The following EP300 variants were observed in gnomAD, a reference collection of about 807,000 sequenced individuals.
EP300 encodes EP300 lysine acetyltransferase.
Under a neutral mutation model 264.0 loss-of-function variants are expected in EP300, and 31 were observed. That is an observed-to-expected ratio of 0.12 (90% CI 0.09 to 0.16). EP300 has a LOEUF of 0.16. EP300 is among the 10% of genes least tolerant of loss of function. The pLI is 1.00. For missense variants in EP300, 2,766 were observed against 3,052.9 expected (o/e 0.91, Z 2.21); for synonymous variants, 1,340 against 1,045.4 (o/e 1.28, Z -5.44).
Position 41,161,607 on chromosome 22 carries a change from A to T in EP300, c.3671+885A>T, listed in dbSNP as rs542859293. On this transcript the variant is annotated intron_variant, in intron 20 of 30. Transcript: ENST00000263253. ...ATTCCAGCCTGGGCGACAGAGCGAG[A>T]GTCTGTCTCAAAATAAATAAAAGAA... Among the ~76,000 whole-genome samples, 12 of 152,290 alleles carry T rather than the reference A, an allele frequency of 7.9e-5. No homozygotes were observed. The South Asian group carries it at 1.5e-3, about 18-fold the overall frequency.
At position 41,092,950 on chromosome 22, in the gene EP300, A is replaced by G; in HGVS notation, c.-55A>G. 3 of 1,586,048 alleles carry G rather than the reference A, an allele frequency of 1.9e-6. No homozygotes were observed. Among genetic ancestry groups the G allele is most frequent in the South Asian group, 1.1e-5 (1 of 90,528 alleles). On this transcript the variant is annotated 5_prime_UTR_variant, in exon 1 of 31. Transcript: ENST00000263253. The stretch of plus-strand genomic sequence containing the variant: ...CGGCGCGGGGACCCCGGGCCGAAGA[A>G]GAGATTTCCTGAGGATTCTGGTTTT...
intron 1 of EP300, among the ~76,000 whole-genome samples, chr22:41,100,224 A>C (rs567641103): frequency 6.6e-6 from 1 of 152,286 alleles, no homozygotes; most frequent in African/African-American, 2.4e-5. Context: ...GTGACATAGC[A>C]AGACTCTGTT....
chr22:41,142,290 G>T (rs570127144), intron 10 of EP300, among the ~76,000 whole-genome samples: 1 of 152,306 alleles, frequency 6.6e-6, no homozygotes, highest in East Asian at 1.9e-4. Context: ...TAGATTATAG[G>T]TGGGCTGAGA....
intron 1 of EP300, among the ~76,000 whole-genome samples, chr22:41,096,575 T>A (rs1288946252): frequency 6.6e-6 from 1 of 150,670 alleles, no homozygotes; most frequent in South Asian, 2.1e-4. Context: ...ATGTACACAG[T>A]GGAGAAGTGG....
At chr22:41,128,335 C>T (rs1376591471) in intron 4 of EP300, among the ~76,000 whole-genome samples, 3 of 151,806 alleles carry the variant, frequency 2.0e-5, no homozygotes, top group Non-Finnish European at 4.4e-5. Flanking sequence ...GGGTGTGTTC[C>T]TGTAGTCCCA....
In EP300 at chr22:41,147,847, A is replaced by G. The variant is rs1244240290; in HGVS notation, c.2142A>G (p.Gln714=). The change falls in exon 12 of 31, where the codon CAA becomes CAG. Residue 714 remains glutamine, a synonymous_variant. Transcript: ENST00000263253. ...TGCTCATATTCACAGGTTTGAATCA[A>G]TTTGGCCAGATGAGCATGGCCCAGC... ...PRITPQSGLN[Q]FGQMSMAQPP... 2 of 1,613,842 alleles carry G rather than the reference A, an allele frequency of 1.2e-6. No homozygotes were observed.
At position 41,147,157 on chromosome 22, in the gene EP300, T is replaced by C. The variant is rs561723029; in HGVS notation, c.2131+341T>C. Among the ~76,000 whole-genome samples the C allele has an allele frequency of 1.1e-4, 17 of 152,144 alleles. No homozygotes were observed. In the South Asian group the frequency reaches 3.5e-3, roughly 32 times the overall value. The stretch of plus-strand genomic sequence containing the variant: ...TGTCTCTACTAAAAATACAAAAAAA[T>C]TAGCCGGTTGTAGTGGCACGGGCCT... On this transcript the variant is annotated intron_variant, in intron 11 of 30. Transcript: ENST00000263253.
At chr22:41,163,742 A>G (rs931581044) in intron 21 of EP300, among the ~76,000 whole-genome samples, 5 of 151,976 alleles carry the variant, frequency 3.3e-5, no homozygotes, top group Admixed American at 1.3e-4. Context: ...GAGAGACTCC[A>G]TCTCAGAAAA....
rs1251522603 is a variant in EP300 at position 41,151,914 on chromosome 22, A to C, written c.2899A>C (p.Ile967Leu). ...TSSTEVNSQA[I>L]AEKQPSQEVK... ...TAGCACAGAAGTGAATTCTCAGGCCATTGCTGAGAAGCAGCCTTCCCAGGA... is the reference window on the plus strand; with the variant it reads ...TAGCACAGAAGTGAATTCTCAGGCCCTTGCTGAGAAGCAGCCTTCCCAGGA... Residue 967 changes from isoleucine (I) to leucine (L), a missense_variant, in exon 15 of 31, where the codon ATT becomes CTT. Ile to Leu is a conservative substitution (Grantham distance 5). Transcript: ENST00000263253. The C allele has an allele frequency of 1.2e-6, 2 of 1,613,918 alleles. No homozygotes were observed. Among genetic ancestry groups the C allele is most frequent in the Non-Finnish European group, 1.7e-6 (2 of 1,179,940 alleles).
chr22:41,094,219 C>T (rs2058689842), intron 1 of EP300, among the ~76,000 whole-genome samples: 1 of 152,102 alleles, frequency 6.6e-6, no homozygotes. Flanking sequence ...CAAGATGTTC[C>T]CCTTTACTAC....
intron 2 of EP300, 117 bp downstream of exon 2, chr22:41,117,938 C>A (rs2058830889): frequency 6.6e-7 from 1 of 1,516,590 alleles, no homozygotes; most frequent in Non-Finnish European, 9.0e-7. Flanking sequence ...CAGGAATTTA[C>A]TGTGCTGTCA....
chr22:41,104,489 CATGTTGGCCA>C (rs1366819196), intron 1 of EP300, among the ~76,000 whole-genome samples: 1 of 151,916 alleles, frequency 6.6e-6, no homozygotes, highest in Admixed American at 6.6e-5. Flanking sequence ...AGGGTTTTGC[CATGTTGGCCA>C]GGCTGACCTC....
intron 27 of EP300, among the ~76,000 whole-genome samples, chr22:41,171,259 C>G (rs2059169160): frequency 6.6e-6 from 1 of 151,890 alleles, no homozygotes; most frequent in Non-Finnish European, 1.5e-5. Flanking sequence ...AGGCATGAGC[C>G]ACTGTGCCCG....
chr22:41,118,520 G>T (rs2058833743), intron 2 of EP300, among the ~76,000 whole-genome samples: 1 of 152,192 alleles, frequency 6.6e-6, no homozygotes, highest in African/African-American at 2.4e-5. Flanking sequence ...GGTTGCCAGT[G>T]CCTGGCATGT....
rs1232286091 is a variant in EP300 at position 41,141,045 on chromosome 22, A to C, written c.1879-3A>C. On this transcript the variant is annotated splice_polypyrimidine_tract_variant and splice_region_variant and intron_variant, in intron 9 of 30. Transcript: ENST00000263253. ...CCCTTATTTTACTTCAACAATTCAA[A>C]AGGCGGAATACTACCACCTTCTAGC... The C allele has an allele frequency of 6.2e-7, 1 of 1,613,430 alleles. No individual in the cohort carries two copies. The highest frequency in any genetic ancestry group is 1.3e-5 in the African/African-American group (1 of 74,844).
rs573246573 is a variant in EP300 at position 41,134,324 on chromosome 22, G to A, written c.1529-1489G>A. ...GTGTTTGAGTTTGGTCTCGCTGTGTGCATGTGTGTTTTTGAGACTGGGTCT... is the reference window on the plus strand; with the variant it reads ...GTGTTTGAGTTTGGTCTCGCTGTGTACATGTGTGTTTTTGAGACTGGGTCT... On this transcript the variant is annotated intron_variant, in intron 6 of 30. Coordinates refer to ENST00000263253, the MANE Select transcript of EP300 (RefSeq NM_001429.4). 6.6e-5 allele frequency among the ~76,000 whole-genome samples: 10 copies of A among 152,134 alleles called. No individual in the cohort carries two copies. The South Asian group carries it at 1.9e-3, about 28-fold the overall frequency.
intron 2 of EP300, among the ~76,000 whole-genome samples, chr22:41,124,510 A>T (rs1160755816): frequency 6.6e-6 from 1 of 152,162 alleles, no homozygotes; most frequent in African/African-American, 2.4e-5. Flanking sequence ...TAATTATTCA[A>T]ATGAGGCCAA....
Position 41,177,460 on chromosome 22 carries a change from C to A in EP300, c.5749C>A (p.Pro1917Thr). 1.9e-6 allele frequency: 3 copies of A among 1,614,186 alleles called. No homozygotes were observed. The highest frequency in any genetic ancestry group is 1.7e-6 in the Non-Finnish European group (2 of 1,180,034). ...AACCCCTCCTCAGACTGCTCAGCCA[C>A]CCCTTCCAGGGCCCCCACCTGCAGC... is the stretch of plus-strand genomic sequence containing the variant. ...PPTPPQTAQP[P>T]LPGPPPAAVE... The change falls in exon 31 of 31, where the codon CCC (proline) becomes ACC (threonine). Residue 1917 changes from proline (P) to threonine (T), a missense_variant. Coordinates refer to ENST00000263253, the MANE Select transcript of EP300 (RefSeq NM_001429.4).
At chr22:41,162,540 C>T (rs1327798065) in intron 20 of EP300, among the ~76,000 whole-genome samples, 183 bp from the exon 21 acceptor site, 1 of 152,122 alleles carries the variant, frequency 6.6e-6, no homozygotes, top group Non-Finnish European at 1.5e-5. Flanking sequence ...ACTATGAAGT[C>T]CTATAGAATA....
Sources: gnomAD v4.1 joint callset for allele counts (sites outside exome capture counted in the v4.1 genomes callset) on GRCh38, gnomAD v4.1.1 for gene constraint, MANE v1.5 for transcripts, NCBI Gene and HGNC (gene_info 2026-07-23, HGNC 2026-07-21) for gene names.